The following ADGRG4 variants were observed in gnomAD, a reference collection of about 807,000 sequenced individuals.
The protein encoded by ADGRG4 is adhesion G protein-coupled receptor G4, also known as G protein-coupled receptor 112.
Under a neutral mutation model 126.2 loss-of-function variants are expected in ADGRG4, and 122 were observed. The ratio of observed to expected loss-of-function variants is 0.97; its 90% CI spans 0.83 to 1.12. The LOEUF is 1.12. ADGRG4 is among the 50% of genes most tolerant of loss of function. The probability of loss-of-function intolerance (pLI) is 0.00; values close to 1 mark genes in which losing one functional copy is unlikely to be tolerated. For synonymous variants in ADGRG4, 943 were observed against 838.7 expected (o/e 1.12, Z -2.15); for missense variants, 2,481 against 2,251.8 (o/e 1.10, Z -2.06).
chrX:136,304,615 C>T (rs1019336188), intron 2 of ADGRG4, among the ~76,000 whole-genome samples: 7 of 112,362 alleles, frequency 6.2e-5, no homozygotes, highest in Non-Finnish European at 1.3e-4. Flanking sequence ...GGATGTGTTT[C>T]CCTGTCCTCA....
At position 136,350,171 on chromosome X, in the gene ADGRG4, A is replaced by G. The variant is rs757259341; in HGVS notation, c.6465A>G (p.Ser2155=). The change falls in exon 6 of 26, where the codon TCA becomes TCG. Residue 2155 remains serine, a synonymous_variant. Coordinates refer to ENST00000394143, the MANE Select transcript of ADGRG4 (RefSeq NM_153834.4). ...MPLPSSTITS[S]WNRIPTASSP... ...TGCCTAGCTCTACAATAACATCTTC[A>G]TGGAACAGAATTCCAACTGCATCAT... 18 of 1,208,508 alleles carry G rather than the reference A, an allele frequency of 1.5e-5. No homozygotes were observed. Among genetic ancestry groups the G allele is most frequent in the Admixed American group, 2.2e-5 (1 of 45,631 alleles).
chrX:136,398,396 C>T (rs988209032), intron 20 of ADGRG4, among the ~76,000 whole-genome samples: 17 of 111,881 alleles, frequency 1.5e-4, no homozygotes, highest in Non-Finnish European at 3.0e-4. Flanking sequence ...GTATAAATAA[C>T]TCCACAAATC....
chrX:136,350,259 A>G lies in ADGRG4; in HGVS notation c.6553A>G (p.Thr2185Ala), dbSNP rs763165287. 4.1e-6 allele frequency: 5 copies of G among 1,208,540 alleles called. No homozygotes were observed. Among genetic ancestry groups the G allele is most frequent in the Non-Finnish European group, 5.6e-6 (5 of 892,758 alleles). Reference sequence around the variant, plus strand: ...CTCCCTTCTAAATATAATGACTACTACATCCACTGTTCCTGGAGCCTCATT... The same window carrying G: ...CTCCCTTCTAAATATAATGACTACTGCATCCACTGTTCCTGGAGCCTCATT... The part of the protein sequence containing the change: ...LDSLLNIMTT[T>A]STVPGASFPL... The change falls in exon 6 of 26, where the codon ACA becomes GCA. Residue 2185 changes from threonine to alanine, a missense_variant. Thr to Ala is a moderately conservative substitution (Grantham distance 58). Coordinates refer to ENST00000394143, the MANE Select transcript of ADGRG4 (RefSeq NM_153834.4).
At chrX:136,412,590 G>T (rs758719706) in intron 24 of ADGRG4, among the ~76,000 whole-genome samples, 2 of 111,763 alleles carry the variant, frequency 1.8e-5, no homozygotes, top group Non-Finnish European at 3.8e-5. Context: ...TTTTGGCCCA[G>T]ATTCCCTGGA....
rs148107896 is a variant in ADGRG4, at chrX:136,346,421, G to A, written c.2715G>A (p.Glu905=). Residue 905 remains glutamate, a synonymous_variant, in exon 6 of 26, where the codon GAG becomes GAA. Transcript: ENST00000394143. ...TPLDNKTATT[E]VRESWLLTKL... ...TGGATAATAAAACTGCAACAACTGA[G>A]GTGAGAGAAAGTTGGCTTTTGACAA... 5.0e-6 allele frequency: 6 copies of A among 1,209,525 alleles called. No individual in the cohort carries two copies. In the African/African-American group the frequency reaches 1.0e-4, roughly 21 times the overall value.
intron 21 of ADGRG4, among the ~76,000 whole-genome samples, chrX:136,400,540 T>C (rs1569338024): frequency 8.9e-6 from 1 of 112,241 alleles, no homozygotes; most frequent in Non-Finnish European, 1.9e-5. Flanking sequence ...TCCCATTTAA[T>C]AGATGAGGAG....
At chrX:136,384,399 A>G (rs185272953) in intron 15 of ADGRG4, among the ~76,000 whole-genome samples, 1 of 112,220 alleles carries the variant, frequency 8.9e-6, no homozygotes, top group East Asian at 2.8e-4. Context: ...AGAAGATTAT[A>G]AACTTCACAA....
chrX:136,326,690 C>T (rs1427340608), intron 5 of ADGRG4, among the ~76,000 whole-genome samples: 3 of 110,942 alleles, frequency 2.7e-5, no homozygotes, highest in Non-Finnish European at 3.8e-5. Flanking sequence ...TCACCTATTT[C>T]GATTTTGGCT....
In ADGRG4 at chrX:136,344,825, C is replaced by T. The variant is rs762480391; in HGVS notation, c.1119C>T (p.Phe373=). 1.7e-6 allele frequency: 2 copies of T among 1,206,407 alleles called. No individual in the cohort carries two copies. The highest frequency in any genetic ancestry group is 3.0e-5 in the East Asian group (1 of 33,837). The change falls in exon 6 of 26, where the codon TTC becomes TTT. Residue 373 remains phenylalanine, a synonymous_variant. Transcript: ENST00000394143. ...TTCAACCACCTACACCTTCTAATTT[C>T]CTATCCACATCCAGATTTACCAAGA... is the stretch of plus-strand genomic sequence containing the variant. ...EIFQPPTPSN[F]LSTSRFTKNS... is the part of the protein sequence containing the mutation.
Position 136,344,495 on chromosome X carries a change from T to C in ADGRG4, c.789T>C (p.Thr263=), listed in dbSNP as rs2074998588. 1 of 1,204,010 alleles carries C rather than the reference T, an allele frequency of 8.3e-7. No homozygotes were observed. The highest frequency in any genetic ancestry group is 1.8e-5 in the African/African-American group (1 of 57,088). ...SQITGVKPQN[T]AHSSTLLSQS... The stretch of plus-strand genomic sequence containing the variant: ...TTACTGGAGTAAAACCACAAAATAC[T>C]GCACATTCCTCTACACTATTGTCTC... The change falls in exon 6 of 26, where the codon ACT becomes ACC. Residue 263 remains threonine (T), a synonymous_variant. Transcript: ENST00000394143.
intron 20 of ADGRG4, among the ~76,000 whole-genome samples, chrX:136,399,227 T>G (rs940019376): frequency 8.9e-6 from 1 of 111,994 alleles, no homozygotes; most frequent in Non-Finnish European, 1.9e-5. Context: ...TATGTAAAGA[T>G]CCATCAAGTT....
intron 5 of ADGRG4, among the ~76,000 whole-genome samples, chrX:136,339,717 A>G (rs971986720): frequency 8.9e-6 from 1 of 112,352 alleles, no homozygotes; most frequent in Non-Finnish European, 1.9e-5. Flanking sequence ...AGCACCTTTC[A>G]TAGTTCTCCT....
At chrX:136,332,397 G>C (rs2074917879) in intron 5 of ADGRG4, among the ~76,000 whole-genome samples, 1 of 102,249 alleles carries the variant, frequency 9.8e-6, no homozygotes, top group African/African-American at 3.6e-5. Context: ...TCTTAATCCA[G>C]TCTATCGTTG....
At chrX:136,385,943 AC>A (rs2075290404) in intron 15 of ADGRG4, among the ~76,000 whole-genome samples, 1 of 110,716 alleles carries the variant, frequency 9.0e-6, no homozygotes, top group Admixed American at 9.6e-5. Context: ...GTCCACCACA[AC>A]CCCCATCACC....
intron 5 of ADGRG4, among the ~76,000 whole-genome samples, chrX:136,342,171 A>G (rs190719051): frequency 1.8e-3 from 199 of 112,007 alleles, no homozygotes; most frequent in Non-Finnish European, 2.9e-3. Context: ...AGTTGCCCAG[A>G]AGCAAACTTT....
chrX:136,318,692 A>G (rs899887411), intron 4 of ADGRG4, among the ~76,000 whole-genome samples: 3 of 111,197 alleles, frequency 2.7e-5, no homozygotes, highest in Admixed American at 9.6e-5. Context: ...TCCTTACAAT[A>G]TGATCTCAGC....
In ADGRG4 at chrX:136,349,648, C is replaced by G. The variant is rs752220636; in HGVS notation, c.5942C>G (p.Ser1981Cys). 1.7e-6 allele frequency: 2 copies of G among 1,207,978 alleles called. No homozygotes were observed. Among genetic ancestry groups the G allele is most frequent in the Non-Finnish European group, 2.2e-6 (2 of 893,990 alleles). The part of the protein sequence containing the change: ...VKHTFEKMTT[S>C]VTPGTTLPSI... ...CACACATTTGAGAAAATGACCACAT[C>G]TGTAACTCCTGGGACCACACTCCCA... Residue 1981 changes from serine to cysteine, a missense_variant, in exon 6 of 26, where the codon TCT (serine) becomes TGT (cysteine). Coordinates refer to ENST00000394143, the MANE Select transcript of ADGRG4 (RefSeq NM_153834.4).
At position 136,406,590 on chromosome X, in the gene ADGRG4, T is replaced by C. The variant is rs955138170; in HGVS notation, c.8935+618T>C. 3.6e-5 allele frequency among the ~76,000 whole-genome samples: 4 copies of C among 111,895 alleles called. No individual in the cohort carries two copies. The Admixed American group carries it at 3.8e-4, about 11-fold the overall frequency. ...AATGAACAAATAATCAATGAAGTGA[T>C]GAAATGGTAGACAAAAGATGGCATG... On this transcript the variant is annotated intron_variant, in intron 23 of 25. Transcript: ENST00000394143.
At chrX:136,307,502 A>T (rs1233865644) in intron 3 of ADGRG4, among the ~76,000 whole-genome samples, 1 of 112,178 alleles carries the variant, frequency 8.9e-6, no homozygotes, top group Non-Finnish European at 1.9e-5. Context: ...ACTCATACAA[A>T]TTCCCTTATT....
Sources: allele counts gnomAD v4.1 joint callset (sites outside exome capture counted in the v4.1 genomes callset), GRCh38; gene constraint gnomAD v4.1.1; transcripts MANE v1.5; gene names NCBI Gene and HGNC (gene_info 2026-07-23, HGNC 2026-07-21).